The following FBXO27 variants were observed in gnomAD, a reference collection of about 807,000 sequenced individuals.
The protein encoded by FBXO27 is F-box protein 27, also known as F-box only protein 27.
In FBXO27, 28 loss-of-function variants were observed where a neutral mutation model predicts 28.3. That is an observed-to-expected ratio of 0.99 (90% CI 0.73 to 1.36). The LOEUF is 1.36. Ranked by LOEUF, FBXO27 falls within the 40% of genes most tolerant of loss-of-function variation. The pLI is 0.00. For synonymous variants in FBXO27, 175 were observed against 167.3 expected (o/e 1.05, Z -0.36); for missense variants, 388 against 394.1 (o/e 0.98, Z 0.13).
intron 2 of FBXO27, among the ~76,000 whole-genome samples, chr19:39,007,497 G>A (rs766866222): frequency 9.2e-5 from 14 of 152,012 alleles, no homozygotes; most frequent in Non-Finnish European, 1.8e-4. Flanking sequence ...AGGCAAGACC[G>A]GGTGTTTCTT....
chr19:39,030,107 G>A (rs1389602797), intron 4 of FBXO27, among the ~76,000 whole-genome samples: 1 of 152,124 alleles, frequency 6.6e-6, no homozygotes, highest in African/African-American at 2.4e-5. Context: ...CTCCCAGAGT[G>A]CTGGGATTAC....
Position 39,024,279 on chromosome 19 carries a change from T to G in FBXO27, c.*1132A>C, listed in dbSNP as rs1414161295. 1 of 151,664 alleles carries G rather than the reference T, an allele frequency of 6.6e-6. No homozygotes were observed. The highest frequency in any genetic ancestry group is 2.4e-5 in the African/African-American group (1 of 41,216). 9.4% of individuals were successfully genotyped at this position (151,664 alleles called of 1,614,324 possible). On this transcript the variant is annotated 3_prime_UTR_variant, in exon 6 of 6. Transcript: ENST00000292853. ...TCTCGCTCTGTCACCCAGGCTGGAG[T>G]GCAGTGGTATGATCATGGCTCACTA...
intron 2 of FBXO27, among the ~76,000 whole-genome samples, chr19:39,013,056 A>G (rs2072803552): frequency 6.6e-6 from 1 of 152,216 alleles, no homozygotes; most frequent in Non-Finnish European, 1.5e-5. Context: ...TCATCATCCA[A>G]TGAACTTCCT....
At chr19:39,028,920 T>C (rs964235230) in intron 4 of FBXO27, among the ~76,000 whole-genome samples, 4 of 151,312 alleles carry the variant, frequency 2.6e-5, no homozygotes, top group Non-Finnish European at 2.9e-5. Context: ...TATGCACCTG[T>C]AGTCCCAGTT....
At chr19:39,007,223 T>C (rs914226188) in intron 2 of FBXO27, among the ~76,000 whole-genome samples, 1 of 152,160 alleles carries the variant, frequency 6.6e-6, no homozygotes, top group Non-Finnish European at 1.5e-5. Flanking sequence ...CCTCCAGCCC[T>C]AAAGTTGCCA....
intron 5 of FBXO27, among the ~76,000 whole-genome samples, chr19:39,026,265 T>A (rs1201630410): frequency 6.6e-6 from 1 of 151,800 alleles, no homozygotes; most frequent in Non-Finnish European, 1.5e-5. Flanking sequence ...AGCAGAGAGA[T>A]CCCATGGAGA....
At chr19:39,026,081 AAG>A (rs1386074269) in intron 5 of FBXO27, among the ~76,000 whole-genome samples, 1 of 152,066 alleles carries the variant, frequency 6.6e-6, no homozygotes, top group Non-Finnish European at 1.5e-5. Flanking sequence ...GCTTGTCACC[AAG>A]AATGTGGTGA....
At chr19:39,022,146 CTTTTTTTTTTTTTTT>C (rs532602600), downstream of FBXO27, among the ~76,000 whole-genome samples, 3 of 89,052 alleles carry the variant, frequency 3.4e-5, no homozygotes, top group African/African-American at 1.4e-4. Flanking sequence ...ATTTTCTATT[CTTTTTTTTTTTTTTT>C]TTTTTTTTTT....
chr19:39,021,996 CCCAA>C (rs954963635), downstream of FBXO27, among the ~76,000 whole-genome samples: 91 of 151,860 alleles, frequency 6.0e-4, 1 homozygote, highest in Admixed American at 5.5e-3. Context: ...AGGTCAGCAC[CCCAA>C]CCGTCACGTT....
chr19:39,008,972 C>G (rs1182495093), intron 2 of FBXO27, among the ~76,000 whole-genome samples: 1 of 152,180 alleles, frequency 6.6e-6, no homozygotes, highest in Non-Finnish European at 1.5e-5. Flanking sequence ...AGGCACCCGC[C>G]ACCATGCCCA....
chr19:39,025,269 G>T lies in FBXO27; in HGVS notation c.*142C>A. On this transcript the variant is annotated 3_prime_UTR_variant, in exon 6 of 6. Coordinates refer to ENST00000292853, the MANE Select transcript of FBXO27 (RefSeq NM_178820.5). Reference sequence around the variant, plus strand: ...TTTCTAGAACCTGAAGACAGGGCCCGTCAGGGCCTTTGATTGGACCCAGGA... The same window carrying T: ...TTTCTAGAACCTGAAGACAGGGCCCTTCAGGGCCTTTGATTGGACCCAGGA... The T allele has an allele frequency of 1.7e-6, 2 of 1,152,802 alleles. No individual in the cohort carries two copies. The highest frequency in any genetic ancestry group is 4.8e-5 in the East Asian group (2 of 41,356). 71.4% of individuals were successfully genotyped at this position (1,152,802 alleles called of 1,614,324 possible).
intron 1 of FBXO27, among the ~76,000 whole-genome samples, chr19:39,018,679 T>C (rs2072830593): frequency 6.6e-6 from 1 of 152,088 alleles, no homozygotes; most frequent in Non-Finnish European, 1.5e-5. Flanking sequence ...TGAGGAGCAT[T>C]GTAAAAAAAA....
chr19:39,016,606 A>C (rs894918644), intron 1 of FBXO27, among the ~76,000 whole-genome samples: 2 of 150,844 alleles, frequency 1.3e-5, no homozygotes, highest in Non-Finnish European at 3.0e-5. Context: ...AAAAAAAAAA[A>C]AAAACCCAAA....
Position 39,025,519 on chromosome 19 carries a change from G to C in FBXO27, c.744C>G (p.Val248=), listed in dbSNP as rs745525891. The C allele has an allele frequency of 6.2e-7, 1 of 1,614,158 alleles. No homozygotes were observed. Among genetic ancestry groups the C allele is most frequent in the Admixed American group, 1.7e-5 (1 of 60,000 alleles). Residue 248 remains valine (V), a synonymous_variant, in exon 6 of 6, where the codon GTC becomes GTG. Transcript: ENST00000292853. ...CCCGGTGTTCGAAAGACACAAAGCG[G>C]ACGCCCATCTTGATGTTGGAGAACA... ...THVFSNIKMG[V]RFVSFEHRGQ...
intron 1 of FBXO27, among the ~76,000 whole-genome samples, chr19:39,017,250 TCA>T (rs1491095895): frequency 1.3e-5 from 2 of 152,144 alleles, no homozygotes; most frequent in Non-Finnish European, 2.9e-5. Context: ...TTTCCAATAC[TCA>T]GAGAATTTAA....
intron 2 of FBXO27, among the ~76,000 whole-genome samples, chr19:39,012,629 T>TTTCTTC (rs113207407): frequency 0.87 from 131,533 of 151,120 alleles, 57,393 homozygotes; most frequent in African/African-American, 0.93. Flanking sequence ...AATTCTAAAT[T>TTTCTTC]TTCTTCTTTT....
chr19:39,021,424 T>A (rs899194588), downstream of FBXO27, among the ~76,000 whole-genome samples: 1 of 152,080 alleles, frequency 6.6e-6, no homozygotes, highest in African/African-American at 2.4e-5. Context: ...ATTGTGAAGA[T>A]AACGAGGATG....
intron 1 of FBXO27, among the ~76,000 whole-genome samples, chr19:39,016,410 A>G (rs751584822): frequency 1.3e-5 from 2 of 151,388 alleles, no homozygotes; most frequent in East Asian, 3.9e-4. Flanking sequence ...ATATAGGAGA[A>G]CTCTGTACTT....
At chr19:39,016,355 G>A (rs2072819560) in intron 1 of FBXO27, among the ~76,000 whole-genome samples, 1 of 148,728 alleles carries the variant, frequency 6.7e-6, no homozygotes, top group Non-Finnish European at 1.5e-5. Context: ...TTGATAGCGG[G>A]AAGGGTGTGT....
Sources: allele counts gnomAD v4.1 joint callset (sites outside exome capture counted in the v4.1 genomes callset), GRCh38; gene constraint gnomAD v4.1.1; transcripts MANE v1.5; gene names NCBI Gene and HGNC (gene_info 2026-07-23, HGNC 2026-07-21).